Variants in PPP2R2B observed in about 807,000 individuals in gnomAD.
The protein encoded by PPP2R2B is protein phosphatase 2 regulatory subunit Bbeta, also known as serine/threonine-protein phosphatase 2A 55 kDa regulatory subunit B beta isoform.
A neutral mutation model predicts 46.0 loss-of-function variants in PPP2R2B; 5 were observed. The observed-to-expected ratio is 0.11, with a 90% CI of 0.06 to 0.23. PPP2R2B has a LOEUF of 0.23. Ranked by LOEUF, PPP2R2B falls within the 10% of genes least tolerant of loss-of-function variation. The pLI is 1.00. For synonymous variants in PPP2R2B, 215 were observed against 206.7 expected (o/e 1.04, Z -0.34); for missense variants, 367 against 575.0 (o/e 0.64, Z 3.70).
At chr5:146,886,299 A>G (rs1056671344) in intron 1 of PPP2R2B, among the ~76,000 whole-genome samples, 4 of 152,064 alleles carry the variant, frequency 2.6e-5, no homozygotes, top group Non-Finnish European at 5.9e-5. Context: ...AGACTGCGCC[A>G]CAGCACTCCA....
intron 6 of PPP2R2B, among the ~76,000 whole-genome samples, chr5:146,643,760 A>T (rs915492472): frequency 6.6e-6 from 1 of 152,274 alleles, no homozygotes; most frequent in African/African-American, 2.4e-5. Context: ...TGTTTTAAAA[A>T]GAAAAAGGCA....
intron 6 of PPP2R2B, among the ~76,000 whole-genome samples, chr5:146,648,601 C>T (rs1243729611): frequency 6.6e-6 from 1 of 152,096 alleles, no homozygotes; most frequent in Admixed American, 6.6e-5. Flanking sequence ...AATTTACATC[C>T]TAACATGAGG....
At chr5:146,948,788 T>A (rs1764564755) in intron 1 of PPP2R2B, among the ~76,000 whole-genome samples, 1 of 152,128 alleles carries the variant, frequency 6.6e-6, no homozygotes. Flanking sequence ...TTCAAGAGGC[T>A]CATGGTTTAG....
intron 1 of PPP2R2B, among the ~76,000 whole-genome samples, chr5:146,886,166 G>A (rs922029602): frequency 1.3e-5 from 2 of 151,768 alleles, no homozygotes; most frequent in Non-Finnish European, 1.5e-5. Context: ...GTGAAACCCC[G>A]TCTCTACTAA....
intron 2 of PPP2R2B, among the ~76,000 whole-genome samples, chr5:146,726,028 T>C (rs1751841689): frequency 6.6e-6 from 1 of 152,200 alleles, no homozygotes; most frequent in African/African-American, 2.4e-5. Context: ...TTATAAATAC[T>C]CAAATCTTAG....
At chr5:146,634,591 TC>T (rs1407674472) in intron 7 of PPP2R2B, among the ~76,000 whole-genome samples, 2 of 152,088 alleles carry the variant, frequency 1.3e-5, no homozygotes, top group African/African-American at 4.8e-5. Context: ...CGCCTCAGCC[TC>T]CTAAAGTGCT....
At chr5:147,040,681 T>C (rs1756250327) in intron 1 of PPP2R2B, 1 of 428,186 alleles carries the variant, frequency 2.3e-6, no homozygotes, top group Non-Finnish European at 4.6e-6. Context: ...CTGAATGACC[T>C]TGTTAGGTAC....
At chr5:146,591,923 G>T in intron 9 of PPP2R2B, 1 of 240,132 alleles carries the variant, frequency 4.2e-6, no homozygotes, top group Non-Finnish European at 8.1e-6. Flanking sequence ...AAAATGATGT[G>T]TACGAATGTG....
intron 2 of PPP2R2B, among the ~76,000 whole-genome samples, chr5:146,701,435 G>A (rs1779531300): frequency 6.6e-6 from 1 of 152,188 alleles, no homozygotes; most frequent in East Asian, 1.9e-4. Flanking sequence ...ATGGCTGAAG[G>A]AAATGGCTAT....
rs1172095756 is a variant in PPP2R2B, at chr5:146,590,111, G to A, written c.1168C>T (p.Pro390Ser). The change falls in exon 10 of 10, where the codon CCC (proline) becomes TCC (serine). Residue 390 changes from proline (P) to serine (S), a missense_variant. This residue lies in a region of PPP2R2B where 361 missense variants were observed against 545.5 expected (regional missense o/e 0.66). Coordinates refer to ENST00000394411, the MANE Select transcript of PPP2R2B (RefSeq NM_181675.4). The stretch of plus-strand genomic sequence containing the variant: ...TTGCCCCCCACACACACTTTTCGGG[G>A]TTTGAGGATAGCCCGGGGCTTGCTG... ...ENSKPRAILK[P>S]RKVCVGGKRR... The A allele has an allele frequency of 6.2e-7, 1 of 1,614,108 alleles. No homozygotes were observed. The highest frequency in any genetic ancestry group is 8.5e-7 in the Non-Finnish European group (1 of 1,180,036).
chr5:147,039,231 G>A (rs1377900513), intron 1 of PPP2R2B, among the ~76,000 whole-genome samples: 1 of 152,070 alleles, frequency 6.6e-6, no homozygotes, highest in Non-Finnish European at 1.5e-5. Flanking sequence ...TCACTGTAAT[G>A]ATTTACCCTG....
intron 1 of PPP2R2B, among the ~76,000 whole-genome samples, chr5:147,045,944 A>G (rs1756523775): frequency 6.6e-6 from 1 of 152,134 alleles, no homozygotes; most frequent in African/African-American, 2.4e-5. Flanking sequence ...CAGCTCAAGT[A>G]ACACTTCTTT....
intron 7 of PPP2R2B, chr5:146,607,068 GCAATTTTCCTT>G (rs1450859405): frequency 6.6e-6 from 1 of 152,162 alleles, no homozygotes; most frequent in Non-Finnish European, 1.5e-5. Context: ...GAGGCAGATG[GCAATTTTCCTT>G]CAGAGACATG....
At chr5:147,065,844 A>G (rs1757399274) in intron 2 of PPP2R2B, among the ~76,000 whole-genome samples, 1 of 152,064 alleles carries the variant, frequency 6.6e-6, no homozygotes, top group African/African-American at 2.4e-5. Context: ...GACAAAAATG[A>G]AAGAGTTTAT....
rs745692719 is a variant in PPP2R2B, at chr5:146,983,176, A to ATTTT, written c.79+72485_79+72488dup. Among the ~76,000 whole-genome samples the ATTTT allele has an allele frequency of 3.6e-3, 290 of 80,852 alleles. 35 individuals are homozygous for ATTTT. The highest frequency in any genetic ancestry group is 4.9e-3 in the African/African-American group (100 of 20,410). The allele number at this position is 80,852 out of a possible 152,430, so 53.0% of individuals were successfully genotyped here. A position where few individuals can be genotyped will look rare whatever the true frequency, so the allele number is the denominator to read the frequency against. ...GTTTATCTATCGTGTTTTCCAGAGC[A>ATTTT]TTTTTTTTTTTTTTTTTTTTTTGAG... On this transcript the variant is annotated intron_variant, in intron 1 of 8. Transcript: ENST00000336640.
In PPP2R2B at chr5:147,014,497, C is replaced by G. The variant is rs544290530; in HGVS notation, c.79+41168G>C. On this transcript the variant is annotated intron_variant, in intron 1 of 8. Transcript: ENST00000336640. ...ACTTGGAACCAACACAAATGTCCAACAATGATAGACTGGATTAAGAAAATG... is the reference window on the plus strand; with the variant it reads ...ACTTGGAACCAACACAAATGTCCAAGAATGATAGACTGGATTAAGAAAATG... 5.3e-5 allele frequency among the ~76,000 whole-genome samples: 8 copies of G among 152,138 alleles called. No homozygotes were observed. The South Asian group carries it at 6.2e-4, about 12-fold the overall frequency.
chr5:146,807,983 T>G (rs959116430), intron 2 of PPP2R2B, among the ~76,000 whole-genome samples: 2 of 151,732 alleles, frequency 1.3e-5, no homozygotes, highest in African/African-American at 4.8e-5. Context: ...GTATTTTTAG[T>G]AGAGACAGGG....
intron 1 of PPP2R2B, among the ~76,000 whole-genome samples, chr5:146,927,027 G>A (rs1015542658): frequency 6.6e-6 from 1 of 152,126 alleles, no homozygotes; most frequent in Non-Finnish European, 1.5e-5. Context: ...AGAAGCTACT[G>A]GTCATCATGG....
At chr5:146,984,853 G>A (rs1337297461) in intron 1 of PPP2R2B, among the ~76,000 whole-genome samples, 1 of 151,778 alleles carries the variant, frequency 6.6e-6, no homozygotes, top group African/African-American at 2.4e-5. Flanking sequence ...TATATCTGCT[G>A]ACTATTTGTA....
Sources: gnomAD v4.1 joint callset for allele counts (sites outside exome capture counted in the v4.1 genomes callset) on GRCh38, gnomAD v4.1.1 for gene constraint, gnomAD v4.1.1 regional missense constraint, MANE v1.5 for transcripts, NCBI Gene and HGNC (gene_info 2026-07-23, HGNC 2026-07-21) for gene names.